Variants in SYNPR observed in about 807,000 individuals in gnomAD.
SYNPR encodes synaptoporin.
A neutral mutation model predicts 32.9 loss-of-function variants in SYNPR; 23 were observed. That is an observed-to-expected ratio of 0.70 (90% confidence interval 0.50 to 0.99). SYNPR has a LOEUF of 0.99. Among genes scored for constraint, SYNPR ranks in the 50% least tolerant of loss-of-function variants. The pLI, the probability that SYNPR is intolerant of heterozygous loss-of-function variation, is 0.00. For synonymous variants in SYNPR, 146 were observed against 135.9 expected, an observed-to-expected ratio of 1.07 and a Z score of -0.52; for missense variants, 318 against 349.3, an observed-to-expected ratio of 0.91 and a Z score of 0.71.
chr3:63,390,706 T>A (rs191315993), intron 2 of SYNPR, among the ~76,000 whole-genome samples: 74 of 152,356 alleles, frequency 4.9e-4, no homozygotes, highest in Non-Finnish European at 8.5e-4. Context: ...GATTATTTTT[T>A]TTAACTGTCT....
chr3:63,240,899 T>C (rs17366255), intron 1 of SYNPR, among the ~76,000 whole-genome samples: 2,029 of 152,228 alleles, frequency 0.013, 32 homozygotes, highest in Non-Finnish European at 0.022. Context: ...CACTGTGCCA[T>C]GAGACTTTGT....
intron 4 of SYNPR, among the ~76,000 whole-genome samples, chr3:63,595,722 TATATATATA>T: frequency 1.6e-4 from 1 of 6,332 alleles, no homozygotes; most frequent in South Asian, 7.7e-3. Context: ...TTATTTTATA[TATATATATA>T]TATATATATA....
chr3:63,459,168 C>T (rs1700537835), intron 2 of SYNPR, among the ~76,000 whole-genome samples: 1 of 152,050 alleles, frequency 6.6e-6, no homozygotes, highest in African/African-American at 2.4e-5. Flanking sequence ...CTGCCAGATA[C>T]ACTACCTGAT....
intron 3 of SYNPR, among the ~76,000 whole-genome samples, chr3:63,522,157 C>T (rs1366873785): frequency 2.0e-5 from 3 of 152,202 alleles, no homozygotes; most frequent in Non-Finnish European, 4.4e-5. Context: ...AAGTGCTGAG[C>T]ACAGATGAGC....
At chr3:63,560,763 A>C (rs992527199) in intron 4 of SYNPR, among the ~76,000 whole-genome samples, 2 of 152,206 alleles carry the variant, frequency 1.3e-5, no homozygotes, top group African/African-American at 2.4e-5. Flanking sequence ...TAAAACCGTC[A>C]GATCTCATGA....
intron 2 of SYNPR, among the ~76,000 whole-genome samples, chr3:63,401,341 T>C (rs1202010750): frequency 6.6e-6 from 1 of 152,140 alleles, no homozygotes; most frequent in African/African-American, 2.4e-5. Flanking sequence ...GCCATTTAGT[T>C]AAGAGCATGC....
At chr3:63,497,433 A>G (rs1418909892) in intron 3 of SYNPR, among the ~76,000 whole-genome samples, 3 of 152,142 alleles carry the variant, frequency 2.0e-5, no homozygotes, top group Non-Finnish European at 4.4e-5. Context: ...GATTTAGTTT[A>G]TGTCTTGCTA....
intron 3 of SYNPR, among the ~76,000 whole-genome samples, chr3:63,542,382 G>A (rs1408375735): frequency 6.6e-6 from 1 of 152,090 alleles, no homozygotes; most frequent in Non-Finnish European, 1.5e-5. Flanking sequence ...GGGATACTAA[G>A]ATAAGTAACA....
intron 2 of SYNPR, among the ~76,000 whole-genome samples, chr3:63,279,227 G>C (rs1399142855): frequency 6.6e-6 from 1 of 152,150 alleles, no homozygotes; most frequent in Non-Finnish European, 1.5e-5. Flanking sequence ...CTGGAAGCGC[G>C]TGTTCAACTG....
At chr3:63,442,501 C>T (rs936634912) in intron 2 of SYNPR, among the ~76,000 whole-genome samples, 2 of 152,140 alleles carry the variant, frequency 1.3e-5, no homozygotes, top group Non-Finnish European at 2.9e-5. Context: ...GTGGCAGCCT[C>T]TCCAAGAATT....
rs10530383 is a variant in SYNPR at position 63,586,654 on chromosome 3, ATG to A, written c.409-22443_409-22442del. Among the ~76,000 whole-genome samples, 249 of 143,576 alleles carry A rather than the reference ATG, an allele frequency of 1.7e-3. 1 individual carries two copies. Among genetic ancestry groups the A allele is most frequent in the East Asian group, 3.1e-3 (15 of 4,852 alleles). 94.2% of individuals were successfully genotyped at this position (143,576 alleles called of 152,430 possible). A position where few individuals can be genotyped will look rare whatever the true frequency, so the allele number is the denominator to read the frequency against. On this transcript the variant is annotated intron_variant, in intron 4 of 5. Transcript: ENST00000478300. ...TCTTCCCTTTCTTCTTGCAGATTCAATGTGTGTGTGTGTGTGTGTGTGTGTGT... is the reference window on the plus strand; with the variant it reads ...TCTTCCCTTTCTTCTTGCAGATTCAATGTGTGTGTGTGTGTGTGTGTGTGT...
chr3:63,476,098 G>GAGAA (rs1700897420), intron 2 of SYNPR, among the ~76,000 whole-genome samples: 7 of 134,572 alleles, frequency 5.2e-5, no homozygotes, highest in African/African-American at 1.1e-4. Context: ...GAGGGAGGGA[G>GAGAA]GAAGGGAGGG....
chr3:63,272,713 C>T (rs1339445817), intron 3 of SYNPR, among the ~76,000 whole-genome samples: 3 of 152,052 alleles, frequency 2.0e-5, no homozygotes, highest in African/African-American at 7.2e-5. Context: ...CTTATCCCTC[C>T]CTGGTTTCTG....
chr3:63,529,949 A>G (rs562461335), intron 3 of SYNPR, among the ~76,000 whole-genome samples: 38 of 152,200 alleles, frequency 2.5e-4, no homozygotes, highest in African/African-American at 8.7e-4. Context: ...AAGACCCCTA[A>G]CTTGACTTCC....
chr3:63,278,626 C>T (rs2086598935), intron 1 of SYNPR, 51 bp from the exon 2 acceptor site: 2 of 1,550,682 alleles, frequency 1.3e-6, no homozygotes, highest in Middle Eastern at 1.7e-4. Context: ...GAGGCGCCCC[C>T]AGCCCCTTCC....
chr3:63,614,434 C>T (rs1187828103), intron 5 of SYNPR, among the ~76,000 whole-genome samples: 2 of 152,180 alleles, frequency 1.3e-5, no homozygotes, highest in Admixed American at 6.5e-5. Context: ...TCACTGACAC[C>T]CTCCTGGAGA....
chr3:63,498,126 G>A (rs954747206), intron 3 of SYNPR, among the ~76,000 whole-genome samples: 4 of 152,168 alleles, frequency 2.6e-5, no homozygotes, highest in African/African-American at 4.8e-5. Flanking sequence ...TGTGTAACCA[G>A]ATGAGGATAG....
upstream of SYNPR, among the ~76,000 whole-genome samples, chr3:63,223,427 C>T (rs2086104927): frequency 6.6e-6 from 1 of 151,702 alleles, no homozygotes; most frequent in African/African-American, 2.4e-5. Context: ...AATGCTTTCC[C>T]ACGTTTTTGA....
intron 2 of SYNPR, among the ~76,000 whole-genome samples, chr3:63,301,373 T>C (rs534734297): frequency 5.3e-5 from 8 of 152,250 alleles, no homozygotes; most frequent in Non-Finnish European, 1.0e-4. Context: ...GACAGATGTT[T>C]ATAACTATTG....
Sources: allele counts gnomAD v4.1 joint callset (sites outside exome capture counted in the v4.1 genomes callset), GRCh38; gene constraint gnomAD v4.1.1; transcripts MANE v1.5; gene names NCBI Gene and HGNC (gene_info 2026-07-23, HGNC 2026-07-21).